Variants in SEMA3A observed in about 807,000 individuals in gnomAD.
SEMA3A encodes the protein semaphorin 3A, also known as semaphorin-3A.
A neutral mutation model predicts 97.9 loss-of-function variants in SEMA3A; 29 were observed. That is an observed-to-expected ratio of 0.30 (90% confidence interval 0.22 to 0.40). The LOEUF is 0.40. SEMA3A is among the 10% of genes least tolerant of loss of function. The probability of loss-of-function intolerance (pLI) is 1.00; values close to 1 mark genes in which losing one functional copy is unlikely to be tolerated. For synonymous variants in SEMA3A, 321 were observed against 323.7 expected (o/e 0.99, Z 0.09); for missense variants, 763 against 951.3 (o/e 0.80, Z 2.60).
At chr7:84,408,280 C>T (rs1302014250) in intron 1 of SEMA3A, among the ~76,000 whole-genome samples, 2 of 152,186 alleles carry the variant, frequency 1.3e-5, no homozygotes, top group Admixed American at 6.5e-5. Context: ...CAGCCAAAAA[C>T]CACATGAAAA....
chr7:84,389,171 C>T (rs1803477587), intron 1 of SEMA3A, among the ~76,000 whole-genome samples: 1 of 151,964 alleles, frequency 6.6e-6, no homozygotes, highest in South Asian at 2.1e-4. Flanking sequence ...TGAAGAAAAG[C>T]ATGGTGGGAA....
intron 3 of SEMA3A, among the ~76,000 whole-genome samples, chr7:84,279,271 C>A (rs146197517): frequency 6.6e-6 from 1 of 151,932 alleles, no homozygotes; most frequent in Non-Finnish European, 1.5e-5. Context: ...ATTAAGATAA[C>A]CTAATATCAC....
chr7:84,138,718 C>T (rs930620604), intron 1 of SEMA3A, among the ~76,000 whole-genome samples: 3 of 152,056 alleles, frequency 2.0e-5, no homozygotes, highest in Admixed American at 6.6e-5. Flanking sequence ...CCTTTCACTC[C>T]AAATCCTTTA....
At chr7:84,398,448 C>T (rs942642955) in intron 1 of SEMA3A, among the ~76,000 whole-genome samples, 1 of 152,004 alleles carries the variant, frequency 6.6e-6, no homozygotes, top group African/African-American at 2.4e-5. Context: ...AAACACATCA[C>T]CCTCCTTTCG....
chr7:84,081,622 C>T (rs955217689), intron 4 of SEMA3A, among the ~76,000 whole-genome samples: 16 of 150,768 alleles, frequency 1.1e-4, no homozygotes, highest in Middle Eastern at 3.2e-3. Context: ...AAAAAGATTT[C>T]CCAAGCTTAT....
intron 1 of SEMA3A, among the ~76,000 whole-genome samples, chr7:84,149,733 A>G (rs1796571251): frequency 6.6e-6 from 1 of 152,232 alleles, no homozygotes; most frequent in Non-Finnish European, 1.5e-5. Context: ...CAATGTTAAA[A>G]TTACAAGTCA....
chr7:84,117,765 C>A (rs1795478787), intron 3 of SEMA3A, among the ~76,000 whole-genome samples: 1 of 152,280 alleles, frequency 6.6e-6, no homozygotes, highest in African/African-American at 2.4e-5. Flanking sequence ...GGAACCACTG[C>A]TTTAAAGTCA....
intron 1 of SEMA3A, among the ~76,000 whole-genome samples, chr7:84,178,596 A>G (rs1797646184): frequency 6.6e-6 from 1 of 152,132 alleles, no homozygotes. Context: ...GTTAATTACT[A>G]TACTGATTAC....
intron 1 of SEMA3A, among the ~76,000 whole-genome samples, chr7:84,393,602 A>G (rs1803647950): frequency 6.6e-6 from 1 of 152,134 alleles, no homozygotes. Flanking sequence ...TTTCTTCTCC[A>G]TGATTGTATT....
intron 1 of SEMA3A, among the ~76,000 whole-genome samples, chr7:84,474,578 C>T (rs1806231711): frequency 6.6e-6 from 1 of 152,096 alleles, no homozygotes; most frequent in South Asian, 2.1e-4. Flanking sequence ...TCTTTTTCCC[C>T]ATCAGGAGTG....
At chr7:84,354,879 T>C (rs1272405261) in intron 2 of SEMA3A, among the ~76,000 whole-genome samples, 2 of 151,716 alleles carry the variant, frequency 1.3e-5, no homozygotes, top group Admixed American at 1.3e-4. Flanking sequence ...GGGTCATTTC[T>C]ACAAAAATGA....
chr7:84,019,397 A>G (rs1302893693), intron 6 of SEMA3A, among the ~76,000 whole-genome samples: 1 of 151,928 alleles, frequency 6.6e-6, no homozygotes, highest in Non-Finnish European at 1.5e-5. Flanking sequence ...GAAAAAAAAA[A>G]AGAGAAGAGA....
At chr7:84,269,357 C>G (rs1800089487) in intron 3 of SEMA3A, among the ~76,000 whole-genome samples, 1 of 152,136 alleles carries the variant, frequency 6.6e-6, no homozygotes, top group East Asian at 1.9e-4. Flanking sequence ...GACACACTAC[C>G]CATGTCAGTA....
At chr7:84,162,592 T>TAAAAAAAAAAA (rs201883744) in intron 1 of SEMA3A, among the ~76,000 whole-genome samples, 1 of 150,852 alleles carries the variant, frequency 6.6e-6, no homozygotes, top group Non-Finnish European at 1.5e-5. Flanking sequence ...AATTTTTTTT[T>TAAAAAAAAAAA]AAAAAAAAAT....
intron 16 of SEMA3A, among the ~76,000 whole-genome samples, chr7:83,962,632 T>G (rs758640438): frequency 6.6e-6 from 1 of 152,180 alleles, no homozygotes; most frequent in Non-Finnish European, 1.5e-5. Flanking sequence ...TAGTGCTCAC[T>G]AAGATTTTCT....
intron 2 of SEMA3A, among the ~76,000 whole-genome samples, chr7:84,358,490 G>T (rs1562918027): frequency 1.3e-5 from 2 of 152,068 alleles, no homozygotes; most frequent in African/African-American, 4.8e-5. Context: ...TGTTCCATTG[G>T]TCTCTGTCTC....
intron 6 of SEMA3A, among the ~76,000 whole-genome samples, chr7:84,044,605 A>C (rs1001870539): frequency 7.9e-5 from 12 of 152,070 alleles, no homozygotes; most frequent in African/African-American, 2.2e-4. Flanking sequence ...GTAGAGATTA[A>C]TAAAAAGTAA....
intron 4 of SEMA3A, among the ~76,000 whole-genome samples, chr7:84,080,979 A>G (rs903896596): frequency 2.1e-4 from 32 of 151,916 alleles, no homozygotes; most frequent in Non-Finnish European, 4.1e-4. Context: ...AAAATAGTAA[A>G]AATAATTAAT....
In SEMA3A at chr7:84,099,651, C is replaced by CT. The variant is rs201504129; in HGVS notation, c.453+10818dup. Among the ~76,000 whole-genome samples, 203 of 152,114 alleles carry CT rather than the reference C, an allele frequency of 1.3e-3. 1 individual carries two copies. The East Asian group carries it at 0.017, about 13-fold the overall frequency. ...CTAATTCACAAAAGAATCATAAACG[C>CT]TTTTTTTAATGAGGAGTTTAAACAG... On this transcript the variant is annotated intron_variant, in intron 4 of 16. Coordinates refer to ENST00000265362, the MANE Select transcript of SEMA3A (RefSeq NM_006080.3).
Sources: gnomAD v4.1 joint callset for allele counts (sites outside exome capture counted in the v4.1 genomes callset) on GRCh38, gnomAD v4.1.1 for gene constraint, MANE v1.5 for transcripts, NCBI Gene and HGNC (gene_info 2026-07-23, HGNC 2026-07-21) for gene names.